The following HMGB4 variants were observed in gnomAD, a reference collection of about 807,000 sequenced individuals.
HMGB4 encodes the protein high mobility group protein B4.
For synonymous variants in HMGB4, 82 were observed against 84.9 expected (o/e 0.97, Z 0.19); for missense variants, 217 against 220.4 (o/e 0.98, Z 0.10).
chr1:33,864,169 A>G lies in HMGB4; in HGVS notation c.-23A>G. Reference sequence around the variant, plus strand: ...CTCTCCTGTCCACGTTACTGAATCCAGAAAAAAGGTGAACTTACGAACATG... The same window carrying G: ...CTCTCCTGTCCACGTTACTGAATCCGGAAAAAAGGTGAACTTACGAACATG... On this transcript the variant is annotated 5_prime_UTR_variant, in exon 1 of 1. Transcript: ENST00000681531. 1 of 1,571,930 alleles carries G rather than the reference A, an allele frequency of 6.4e-7. No homozygotes were observed. Among genetic ancestry groups the G allele is most frequent in the Non-Finnish European group, 8.6e-7 (1 of 1,164,268 alleles).
Position 33,864,331 on chromosome 1 carries a change from A to T in HMGB4, c.140A>T (p.Glu47Val), listed in dbSNP as rs764075026. 44 of 1,613,304 alleles carry T rather than the reference A, an allele frequency of 2.7e-5. 2 individuals are homozygous for T. In the South Asian group the frequency reaches 4.7e-4, roughly 17 times the overall value. Residue 47 changes from glutamate to valine, a missense_variant, in exon 1 of 1, where the codon GAA (glutamate) becomes GTA (valine). Transcript: ENST00000681531. ...AAAGAGTTCTCTAGAAAGTGTTCGG[A>T]AAAATGGAGATCCATCTCAAAGCAT... ...GFKEFSRKCS[E>V]KWRSISKHEK...
upstream of HMGB4, chr1:33,863,927 C>T (rs1402326791): frequency 5.1e-6 from 2 of 393,224 alleles, no homozygotes; most frequent in Admixed American, 8.6e-5. Flanking sequence ...AACATTGACC[C>T]TCAAGTAACC....
At chr1:33,860,719 G>C (rs1018672641), upstream of HMGB4, 1 of 152,210 alleles carries the variant, frequency 6.6e-6, no homozygotes, top group African/African-American at 2.4e-5. Flanking sequence ...GGCAAAGCTA[G>C]AATTTGAACT....
upstream of HMGB4, chr1:33,860,575 A>AG (rs1176015379): frequency 7.2e-5 from 11 of 152,108 alleles, no homozygotes; most frequent in Admixed American, 7.2e-4. Flanking sequence ...CACACTGGAG[A>AG]GGGGGAGTGC....
chr1:33,862,341 C>CTGTGTGTGTGTGTGTGTGTG, upstream of HMGB4: 2 of 60,720 alleles, frequency 3.3e-5, no homozygotes, highest in Admixed American at 1.9e-4. Context: ...AGATAAGCTA[C>CTGTGTGTGTGTGTGTGTGTG]TCTGTGTGTG....
chr1:33,864,653 C>T lies in HMGB4; in HGVS notation c.462C>T (p.Phe154=), dbSNP rs373124161. Residue 154 remains phenylalanine (F), a synonymous_variant, in exon 1 of 1, where the codon TTC becomes TTT. Coordinates refer to ENST00000681531, the MANE Select transcript of HMGB4 (RefSeq NM_001379301.1). The part of the protein sequence containing the change: ...QRVALLRAKY[F]EELELYRKQC... ...TGGCTCTCCTGAGAGCTAAGTACTT[C>T]GAGGAACTTGAACTCTACCGTAAAC... The T allele has an allele frequency of 1.5e-5, 24 of 1,613,840 alleles. No individual in the cohort carries two copies. In the African/African-American group the frequency reaches 1.6e-4, roughly 11 times the overall value.
chr1:33,860,787 T>C (rs1639443982), upstream of HMGB4: 1 of 152,214 alleles, frequency 6.6e-6, no homozygotes, highest in African/African-American at 2.4e-5. Flanking sequence ...TGCCACCAAG[T>C]AAAGAGGATC....
chr1:33,864,071 G>T (rs1639764943), upstream of HMGB4: 5 of 912,176 alleles, frequency 5.5e-6, no homozygotes, highest in South Asian at 8.3e-5. Context: ...CCTGACTACA[G>T]CTCTTGCAGA....
At chr1:33,863,027 G>C (rs911942639), upstream of HMGB4, 26 of 152,302 alleles carry the variant, frequency 1.7e-4, no homozygotes, top group African/African-American at 6.0e-4. Context: ...TGAAGCACAG[G>C]CTTAGGTCAA....
Position 33,864,765 on chromosome 1 carries a change from GA to G in HMGB4, c.*19del. On this transcript the variant is annotated 3_prime_UTR_variant, in exon 1 of 1. Transcript: ENST00000681531. ...CAGGCAGAGCTGATGGATCCAGTTT[GA>G]AAAAACAAAATGCCATTCAACCGTA... 6.3e-7 allele frequency: 1 copy of G among 1,583,336 alleles called. No homozygotes were observed. Among genetic ancestry groups the G allele is most frequent in the Non-Finnish European group, 8.6e-7 (1 of 1,166,568 alleles).
In HMGB4 at chr1:33,864,095, T is replaced by C. The variant is rs961267189; in HGVS notation, c.-97T>C. Reference sequence around the variant, plus strand: ...AGCTCTTGCAGACAGAAAAATTCGCTGCAAGTACAGCACTTTCTAGATTGC... The same window carrying C: ...AGCTCTTGCAGACAGAAAAATTCGCCGCAAGTACAGCACTTTCTAGATTGC... On this transcript the variant is annotated 5_prime_UTR_variant, in exon 1 of 1. Transcript: ENST00000681531. 4 of 1,221,294 alleles carry C rather than the reference T, an allele frequency of 3.3e-6. No individual in the cohort carries two copies. The highest frequency in any genetic ancestry group is 2.9e-4 in the Middle Eastern group (1 of 3,450). 75.7% of individuals were successfully genotyped at this position (1,221,294 alleles called of 1,614,324 possible). A position where few individuals can be genotyped will look rare whatever the true frequency, so the allele number is the denominator to read the frequency against.
upstream of HMGB4, chr1:33,862,324 G>A (rs1639579792): frequency 7.1e-6 from 1 of 141,000 alleles, no homozygotes; most frequent in East Asian, 2.2e-4. Flanking sequence ...GGAAGGTTAA[G>A]AGGCACAGAT....
Position 33,864,536 on chromosome 1 carries a change from C to A in HMGB4, c.345C>A (p.Asn115Lys), listed in dbSNP as rs61769874. 9.6e-3 allele frequency: 15,484 copies of A among 1,614,076 alleles called. 100 individuals carry two copies. The highest frequency in any genetic ancestry group is 0.011 in the Non-Finnish European group (12,525 of 1,180,000). The change falls in exon 1 of 1, where the codon AAC (asparagine) becomes AAA (lysine). Residue 115 changes from asparagine (N) to lysine (K), a missense_variant. Asn to Lys is a moderately conservative substitution (Grantham distance 94). Transcript: ENST00000681531. Reference sequence around the variant, plus strand: ...ACTATGCTCAGCTGAAGAGGGAGAACCCGAACTGGTCGGTGGTGCAGGTGG... The same window carrying A: ...ACTATGCTCAGCTGAAGAGGGAGAAACCGAACTGGTCGGTGGTGCAGGTGG... ...QDHYAQLKRE[N>K]PNWSVVQVAK...
In HMGB4 at chr1:33,864,539, G is replaced by A. The variant is rs755317431; in HGVS notation, c.348G>A (p.Pro116=). 6.2e-6 allele frequency: 10 copies of A among 1,613,946 alleles called. No individual in the cohort carries two copies. The highest frequency in any genetic ancestry group is 8.5e-6 in the Non-Finnish European group (10 of 1,180,014). Residue 116 remains proline, a synonymous_variant, in exon 1 of 1, where the codon CCG becomes CCA. Coordinates refer to ENST00000681531, the MANE Select transcript of HMGB4 (RefSeq NM_001379301.1). ...DHYAQLKREN[P]NWSVVQVAKA... ...ATGCTCAGCTGAAGAGGGAGAACCCGAACTGGTCGGTGGTGCAGGTGGCCA... is the reference window on the plus strand; with the variant it reads ...ATGCTCAGCTGAAGAGGGAGAACCCAAACTGGTCGGTGGTGCAGGTGGCCA...
chr1:33,863,491 T>G (rs1639703276), upstream of HMGB4: 1 of 152,224 alleles, frequency 6.6e-6, no homozygotes, highest in African/African-American at 2.4e-5. Flanking sequence ...TTCAGAGAAA[T>G]GAAGAGTTCC....
rs1455114048 is a variant in HMGB4, at chr1:33,864,773, A to T, written c.*21A>T. The T allele has an allele frequency of 1.9e-6, 3 of 1,574,738 alleles. No individual in the cohort carries two copies. The highest frequency in any genetic ancestry group is 2.6e-6 in the Non-Finnish European group (3 of 1,159,348). On this transcript the variant is annotated 3_prime_UTR_variant, in exon 1 of 1. Transcript: ENST00000681531. ...GCTGATGGATCCAGTTTGAAAAAAC[A>T]AAATGCCATTCAACCGTATTTCCTG...
chr1:33,864,130 G>A lies in HMGB4; in HGVS notation c.-62G>A, dbSNP rs1639769725. 2 of 1,475,424 alleles carry A rather than the reference G, an allele frequency of 1.4e-6. No individual in the cohort carries two copies. The highest frequency in any genetic ancestry group is 2.3e-5 in the East Asian group (1 of 44,204). 91.4% of individuals were successfully genotyped at this position (1,475,424 alleles called of 1,614,324 possible). A position where few individuals can be genotyped will look rare whatever the true frequency, so the allele number is the denominator to read the frequency against. ...GCACTTTCTAGATTGCTCCTGGAGT[G>A]TGGGAACAACAGTCTCTCCTGTCCA... On this transcript the variant is annotated 5_prime_UTR_variant, in exon 1 of 1. The change creates a new upstream start codon in the 5' untranslated region. Coordinates refer to ENST00000681531, the MANE Select transcript of HMGB4 (RefSeq NM_001379301.1).
upstream of HMGB4, among the ~76,000 whole-genome samples, chr1:33,862,682 C>A (rs1639630482): frequency 6.6e-6 from 1 of 152,116 alleles, no homozygotes; most frequent in Non-Finnish European, 1.5e-5. Context: ...CCAAATCCTG[C>A]CACACAACTA....
upstream of HMGB4, chr1:33,863,509 A>G (rs1208968507): frequency 1.3e-5 from 2 of 152,246 alleles, no homozygotes; most frequent in East Asian, 3.8e-4. Context: ...TCCAACTCAT[A>G]GCCCAAGTGC....
Sources: allele counts gnomAD v4.1 joint callset (sites outside exome capture counted in the v4.1 genomes callset), GRCh38; gene constraint gnomAD v4.1.1; transcripts MANE v1.5; gene names NCBI Gene and HGNC (gene_info 2026-07-23, HGNC 2026-07-21).